E2F7: variants seen among roughly 807,000 people sequenced by gnomAD.
E2F7 encodes the protein E2F transcription factor 7, also known as transcription factor E2F7.
In E2F7, 35 loss-of-function variants were observed where a neutral mutation model predicts 81.1. The observed-to-expected ratio is 0.43, with a 90% CI of 0.33 to 0.57. The LOEUF (loss-of-function observed/expected upper bound fraction) is 0.57. E2F7 is among the 20% of genes least tolerant of loss of function. The pLI is 0.04. For missense variants in E2F7, 961 were observed against 1,093.7 expected (o/e 0.88, Z 1.71); for synonymous variants, 416 against 416.2 (o/e 1.00, Z 0.01).
chr12:77,048,532 T>C (rs1376330398), intron 4 of E2F7, among the ~76,000 whole-genome samples: 3 of 152,146 alleles, frequency 2.0e-5, no homozygotes, highest in African/African-American at 7.2e-5. Flanking sequence ...TGGAAAACAA[T>C]GCAATTTGAA....
At chr12:77,039,215 ACAC>A (rs1000992937) in intron 7 of E2F7, among the ~76,000 whole-genome samples, 4 of 152,206 alleles carry the variant, frequency 2.6e-5, no homozygotes, top group African/African-American at 9.6e-5. Flanking sequence ...TCCATACCTC[ACAC>A]CACATGTGTG....
chr12:77,040,965 G>A (rs1592559747), intron 7 of E2F7, among the ~76,000 whole-genome samples: 1 of 152,320 alleles, frequency 6.6e-6, no homozygotes, highest in African/African-American at 2.4e-5. Context: ...AGGGGTGAAG[G>A]AGAGTGGCTC....
intron 9 of E2F7, among the ~76,000 whole-genome samples, chr12:77,032,143 C>T (rs1483043960): frequency 6.6e-6 from 1 of 152,216 alleles, no homozygotes; most frequent in Non-Finnish European, 1.5e-5. Context: ...GTTCTGTGGC[C>T]TGTCTTTCTC....
chr12:77,050,875 C>T (rs773857689), intron 3 of E2F7, 131 bp from the exon 4 acceptor site: 1 of 858,096 alleles, frequency 1.2e-6, no homozygotes, highest in Non-Finnish European at 1.7e-6. Flanking sequence ...AGTTAAAATA[C>T]ATTTCCTAAT....
At chr12:77,047,195 G>C (rs139285915) in intron 4 of E2F7, among the ~76,000 whole-genome samples, 1 of 152,138 alleles carries the variant, frequency 6.6e-6, no homozygotes, top group Admixed American at 6.5e-5. Flanking sequence ...TGTTAAGGGT[G>C]GGGGGCTCTT....
intron 2 of E2F7, among the ~76,000 whole-genome samples, chr12:77,059,625 T>C (rs1176974569): frequency 6.6e-6 from 1 of 152,138 alleles, no homozygotes; most frequent in African/African-American, 2.4e-5. Flanking sequence ...TGAAGACAGC[T>C]GACTTGTCCA....
At chr12:77,048,232 G>T (rs1185105885) in intron 4 of E2F7, among the ~76,000 whole-genome samples, 1 of 152,158 alleles carries the variant, frequency 6.6e-6, no homozygotes, top group East Asian at 1.9e-4. Flanking sequence ...CACTTCACAG[G>T]TCTCAAGACC....
intron 5 of E2F7, 124 bp from the exon 6 acceptor site, chr12:77,044,919 G>A (rs954891643): frequency 2.7e-6 from 3 of 1,109,826 alleles, no homozygotes; most frequent in Admixed American, 5.5e-5. Flanking sequence ...GTCATTGGCA[G>A]AAGCTTACTG....
Position 77,030,213 on chromosome 12 carries a change from A to C in E2F7, c.1502T>G (p.Val501Gly). Residue 501 changes from valine to glycine, a missense_variant, in exon 10 of 13, where the codon GTA becomes GGA. Val to Gly is a moderately radical substitution (Grantham distance 109). Coordinates refer to ENST00000322886, the MANE Select transcript of E2F7 (RefSeq NM_203394.3). ...EYCVNPLAHP[V>G]FSVAQTDLQA... ...CAGGTCCGTCTGAGCAACAGAAAAT[A>C]CTGGGTGGGCTAAAGGATTAACACA... 1 of 1,614,140 alleles carries C rather than the reference A, an allele frequency of 6.2e-7. No individual in the cohort carries two copies. The highest frequency in any genetic ancestry group is 8.5e-7 in the Non-Finnish European group (1 of 1,179,998).
intron 7 of E2F7, among the ~76,000 whole-genome samples, chr12:77,036,917 T>C (rs1954854974): frequency 6.6e-6 from 1 of 152,054 alleles, no homozygotes; most frequent in African/African-American, 2.4e-5. Flanking sequence ...AATCAGCTAA[T>C]TTTTTGTATT....
At chr12:77,062,840 A>C (rs1186673316) in intron 2 of E2F7, among the ~76,000 whole-genome samples, 2 of 151,974 alleles carry the variant, frequency 1.3e-5, no homozygotes, top group Non-Finnish European at 2.9e-5. Flanking sequence ...AAAACTCTGA[A>C]TATATACTTT....
Position 77,025,675 on chromosome 12 carries a change from A to G in E2F7, c.2448T>C (p.Leu816=). ...TTAGGTTTAGTGAGGGCTGACTCTG[A>G]AGCTGAGGGTCTGCAGAAGGGAGTG... ...SSTLPSADPQ[L]QSQPSLNLSP... Residue 816 remains leucine (L), a synonymous_variant, in exon 12 of 13, where the codon CTT becomes CTC. Coordinates refer to ENST00000322886, the MANE Select transcript of E2F7 (RefSeq NM_203394.3). The G allele has an allele frequency of 6.2e-7, 1 of 1,614,168 alleles. No individual in the cohort carries two copies. Among genetic ancestry groups the G allele is most frequent in the South Asian group, 1.1e-5 (1 of 91,082 alleles).
chr12:77,064,773 G>C, intron 1 of E2F7, 138 bp from the exon 2 acceptor site: 1 of 672,504 alleles, frequency 1.5e-6, no homozygotes, highest in Non-Finnish European at 2.5e-6. Flanking sequence ...ATTTCCAGGA[G>C]TTGTAGCCAC....
intron 7 of E2F7, among the ~76,000 whole-genome samples, chr12:77,042,652 G>A (rs563824695): frequency 1.6e-4 from 25 of 152,266 alleles, no homozygotes; most frequent in African/African-American, 6.0e-4. Context: ...GATGGTAACT[G>A]ATGTGATTTT....
At position 77,055,954 on chromosome 12, in the gene E2F7, G is replaced by A; in HGVS notation, c.270C>T (p.Leu90=). Reference sequence around the variant, plus strand: ...TTATATCTGGGCTGGCAGCACTAATGAGCATCTTCAGGTTAGCTGTGGGTG... The same window carrying A: ...TTATATCTGGGCTGGCAGCACTAATAAGCATCTTCAGGTTAGCTGTGGGTG... The part of the protein sequence containing the change: ...PWTPTANLKM[L]ISAASPDIRD... The change falls in exon 3 of 13, where the codon CTC becomes CTT. Residue 90 remains leucine (L), a synonymous_variant. Coordinates refer to ENST00000322886, the MANE Select transcript of E2F7 (RefSeq NM_203394.3). 6.2e-7 allele frequency: 1 copy of A among 1,614,114 alleles called. No individual in the cohort carries two copies. The highest frequency in any genetic ancestry group is 8.5e-7 in the Non-Finnish European group (1 of 1,180,018).
intron 2 of E2F7, among the ~76,000 whole-genome samples, chr12:77,056,558 T>G (rs2120746214): frequency 6.6e-6 from 1 of 152,316 alleles, no homozygotes; most frequent in Middle Eastern, 3.4e-3. Flanking sequence ...AATACAGCAC[T>G]TAGTAGCAGG....
chr12:77,033,742 C>A (rs1486123491), intron 8 of E2F7, 115 bp downstream of exon 8: 1 of 1,101,366 alleles, frequency 9.1e-7, no homozygotes, highest in Non-Finnish European at 1.3e-6. Context: ...CTGGAAAAAA[C>A]AGCCAGGGCT....
chr12:77,048,616 C>T (rs924332915), intron 4 of E2F7, among the ~76,000 whole-genome samples: 5 of 152,314 alleles, frequency 3.3e-5, no homozygotes, highest in East Asian at 1.9e-4. Context: ...TCAGACTCAA[C>T]CCCAAAAGAC....
At chr12:77,063,330 C>T (rs1011669434) in intron 2 of E2F7, among the ~76,000 whole-genome samples, 2 of 152,114 alleles carry the variant, frequency 1.3e-5, no homozygotes, top group Admixed American at 6.5e-5. Context: ...GCCAAGGTTG[C>T]TAAGATCTAC....
Sources: allele counts gnomAD v4.1 joint callset (sites outside exome capture counted in the v4.1 genomes callset), GRCh38; gene constraint gnomAD v4.1.1; transcripts MANE v1.5; gene names NCBI Gene and HGNC (gene_info 2026-07-23, HGNC 2026-07-21).